Variants in PRKD3 observed in about 807,000 individuals in gnomAD.
The protein encoded by PRKD3 is serine/threonine-protein kinase D3.
PRKD3 carries 47 observed loss-of-function variants against 99.2 expected under a neutral mutation model. The ratio of observed to expected loss-of-function variants is 0.47; its 90% confidence interval spans 0.38 to 0.60. The LOEUF (loss-of-function observed/expected upper bound fraction) is 0.60. PRKD3 is among the 20% of genes least tolerant of loss of function. PRKD3 has a pLI of 0.00. For missense variants in PRKD3, 1,019 were observed against 1,088.4 expected (o/e 0.94, Z 0.90); for synonymous variants, 392 against 355.4 (o/e 1.10, Z -1.16).
chr2:37,284,585 T>A (rs555059787), intron 6 of PRKD3, among the ~76,000 whole-genome samples: 1 of 152,348 alleles, frequency 6.6e-6, no homozygotes, highest in South Asian at 2.1e-4. Context: ...TCTCAGTGGC[T>A]GCTTGCCAAT....
chr2:37,253,990 G>A (rs1667733768), intron 18 of PRKD3, among the ~76,000 whole-genome samples: 1 of 152,132 alleles, frequency 6.6e-6, no homozygotes, highest in Non-Finnish European at 1.5e-5. Context: ...TCTATGAAAG[G>A]CTAAGTCATT....
intron 2 of PRKD3, among the ~76,000 whole-genome samples, chr2:37,315,354 C>T (rs1671612539): frequency 6.6e-6 from 1 of 152,098 alleles, no homozygotes; most frequent in South Asian, 2.1e-4. Flanking sequence ...ATAAAACCAC[C>T]CTGAATTTTC....
chr2:37,322,569 C>A (rs758986303), intron 1 of PRKD3, among the ~76,000 whole-genome samples: 1 of 152,210 alleles, frequency 6.6e-6, no homozygotes, highest in Non-Finnish European at 1.5e-5. Flanking sequence ...CCATGTTGAG[C>A]TTGACAGATG....
chr2:37,320,474 T>C (rs1039240283), intron 1 of PRKD3, among the ~76,000 whole-genome samples: 21 of 133,820 alleles, frequency 1.6e-4, no homozygotes, highest in African/African-American at 5.8e-4. Flanking sequence ...CTCTGTTGCC[T>C]AGGCTGGAGT....
chr2:37,303,149 C>A (rs1172806808), intron 2 of PRKD3, among the ~76,000 whole-genome samples: 5 of 152,030 alleles, frequency 3.3e-5, no homozygotes, highest in African/African-American at 1.2e-4. Flanking sequence ...AGAGGATGGC[C>A]TGACTATCGG....
At chr2:37,321,333 A>C (rs1331555645) in intron 1 of PRKD3, among the ~76,000 whole-genome samples, 1 of 152,180 alleles carries the variant, frequency 6.6e-6, no homozygotes, top group Non-Finnish European at 1.5e-5. Flanking sequence ...CTGGAATCAA[A>C]ATATAGGATA....
chr2:37,282,643 T>A, intron 6 of PRKD3, 24 bp from the exon 7 acceptor site: 1 of 1,500,366 alleles, frequency 6.7e-7, no homozygotes, highest in Non-Finnish European at 9.3e-7. Context: ...ATTCAGCATA[T>A]TAATTTATGT....
chr2:37,315,226 T>C (rs1671606742), intron 2 of PRKD3, among the ~76,000 whole-genome samples: 1 of 152,152 alleles, frequency 6.6e-6, no homozygotes, highest in African/African-American at 2.4e-5. Flanking sequence ...ATAAACTCTT[T>C]TGATAACACA....
At chr2:37,268,266 A>T (rs1168942627) in intron 13 of PRKD3, 1 of 468,540 alleles carries the variant, frequency 2.1e-6, no homozygotes, top group Admixed American at 2.4e-5. Flanking sequence ...AAGACTGAAC[A>T]AATGTGTGCA....
chr2:37,274,704 TA>T lies in PRKD3; in HGVS notation c.1375-8del. ...TTTCTGAAAGTGGAATTTCCTGAAG[TA>T]AAAAATTAAGCATTGAAAAATAAGA... On this transcript the variant is annotated splice_region_variant and splice_polypyrimidine_tract_variant and intron_variant, in intron 10 of 18. Transcript: ENST00000234179. 1 of 1,608,504 alleles carries T rather than the reference TA, an allele frequency of 6.2e-7. No homozygotes were observed. The highest frequency in any genetic ancestry group is 8.5e-7 in the Non-Finnish European group (1 of 1,176,054).
chr2:37,272,241 A>G, intron 12 of PRKD3, 139 bp downstream of exon 12: 6 of 1,281,162 alleles, frequency 4.7e-6, no homozygotes, highest in Non-Finnish European at 6.3e-6. Flanking sequence ...ATAAAGCAGA[A>G]CTCCTTAGGG....
At chr2:37,282,764 AC>A in intron 6 of PRKD3, 145 bp from the exon 7 acceptor site, 1 of 624,500 alleles carries the variant, frequency 1.6e-6, no homozygotes. Context: ...TCACTTTAGC[AC>A]CCCTCTGCAC....
At chr2:37,259,705 T>G in intron 15 of PRKD3, 24 bp from the exon 16 acceptor site, 1 of 1,539,290 alleles carries the variant, frequency 6.5e-7, no homozygotes, top group Admixed American at 1.7e-5. Flanking sequence ...AGATTTTCTT[T>G]TCAATGTCTG....
chr2:37,253,521 A>G, intron 18 of PRKD3, 171 bp from the exon 19 acceptor site: 1 of 486,798 alleles, frequency 2.1e-6, no homozygotes, highest in Non-Finnish European at 3.5e-6. Flanking sequence ...ATTTTAAATG[A>G]GCAATTTAAA....
intron 17 of PRKD3, 24 bp from the exon 18 acceptor site, chr2:37,254,313 T>C: frequency 6.3e-7 from 1 of 1,589,226 alleles, no homozygotes; most frequent in South Asian, 1.1e-5. Flanking sequence ...CAAAACAAGA[T>C]ACATGAATTT....
At chr2:37,262,056 G>A (rs1668503631) in intron 14 of PRKD3, among the ~76,000 whole-genome samples, 1 of 152,180 alleles carries the variant, frequency 6.6e-6, no homozygotes, top group African/African-American at 2.4e-5. Flanking sequence ...GTTGTGTTCA[G>A]GAGGTATTTT....
At position 37,259,638 on chromosome 2, in the gene PRKD3, T is replaced by G. The variant is rs1460549727; in HGVS notation, c.2090A>C (p.His697Pro). 3 of 1,613,654 alleles carry G rather than the reference T, an allele frequency of 1.9e-6. No homozygotes were observed. ...CACATTTTCTGGCTTTAAATCACAG[T>G]GCACAATATTCTTAAAATGCAGATT... ...LRNLHFKNIVHCDLKPENVLL... is the reference protein window; with the variant it reads ...LRNLHFKNIVPCDLKPENVLL... Residue 697 changes from histidine (H) to proline (P), a missense_variant, in exon 16 of 19, where the codon CAC (histidine) becomes CCC (proline). Physicochemically the swap from His to Pro is moderately conservative, Grantham distance 77 (BLOSUM62 -2). Around this residue, in one of 3 missense-constraint regions of PRKD3, gnomAD observed 184 missense variants for 275.1 expected, o/e 0.67. Coordinates refer to ENST00000234179, the MANE Select transcript of PRKD3 (RefSeq NM_005813.6).
At chr2:37,307,152 T>C (rs1223584406) in intron 2 of PRKD3, among the ~76,000 whole-genome samples, 4 of 152,204 alleles carry the variant, frequency 2.6e-5, no homozygotes, top group Non-Finnish European at 5.9e-5. Flanking sequence ...TCTCCAGACA[T>C]TGCCAAATGT....
chr2:37,313,909 C>G (rs1023047870), intron 2 of PRKD3, among the ~76,000 whole-genome samples: 1 of 151,982 alleles, frequency 6.6e-6, no homozygotes, highest in East Asian at 1.9e-4. Flanking sequence ...AACTGTAAGC[C>G]AAGGAACATC....
Sources: gnomAD v4.1 joint callset for allele counts (sites outside exome capture counted in the v4.1 genomes callset) on GRCh38, gnomAD v4.1.1 for gene constraint, gnomAD v4.1.1 regional missense constraint, MANE v1.5 for transcripts, NCBI Gene and HGNC (gene_info 2026-07-23, HGNC 2026-07-21) for gene names.